Variants in SYNDIG1 observed in about 807,000 individuals in gnomAD.
The protein encoded by SYNDIG1 is synapse differentiation inducing 1.
SYNDIG1 carries 9 observed loss-of-function variants against 19.4 expected under a neutral mutation model. The ratio of observed to expected loss-of-function variants is 0.46; its 90% confidence interval spans 0.28 to 0.81. The LOEUF is 0.81. Ranked by LOEUF, SYNDIG1 falls within the 30% of genes least tolerant of loss-of-function variation. The pLI is 0.12. For synonymous variants in SYNDIG1, 141 were observed against 145.9 expected, an observed-to-expected ratio of 0.97 and a Z score of 0.24; for missense variants, 311 against 343.3, an observed-to-expected ratio of 0.91 and a Z score of 0.74.
Position 24,543,498 on chromosome 20 carries a change from T to C in SYNDIG1, c.401T>C (p.Ile134Thr). The change falls in exon 2 of 4, where the codon ATT (isoleucine) becomes ACT (threonine). Residue 134 changes from isoleucine (I) to threonine (T), a missense_variant. Ile to Thr is a moderately conservative substitution (Grantham distance 89, BLOSUM62 -1). Coordinates refer to ENST00000376862, the MANE Select transcript of SYNDIG1 (RefSeq NM_024893.3). ...DSLEYPDGKF[I>T]DLSADDIKIH... ...CTCGAGTACCCGGATGGGAAGTTCA[T>C]TGACCTCTCAGCTGATGACATAAAA... 1 of 1,612,256 alleles carries C rather than the reference T, an allele frequency of 6.2e-7. No individual in the cohort carries two copies. Among genetic ancestry groups the C allele is most frequent in the East Asian group, 2.2e-5 (1 of 44,880 alleles).
intron 1 of SYNDIG1, among the ~76,000 whole-genome samples, chr20:24,524,073 T>C (rs1339028548): frequency 6.6e-6 from 1 of 152,348 alleles, no homozygotes; most frequent in Admixed American, 6.5e-5. Flanking sequence ...AAAATATTTA[T>C]TGTCATCCTT....
At chr20:24,508,815 G>A (rs1280810141) in intron 1 of SYNDIG1, among the ~76,000 whole-genome samples, 1 of 152,158 alleles carries the variant, frequency 6.6e-6, no homozygotes, top group Non-Finnish European at 1.5e-5. Flanking sequence ...GCAGGCGCAG[G>A]CTGGAGTCAC....
intron 1 of SYNDIG1, among the ~76,000 whole-genome samples, chr20:24,489,966 G>A (rs755644284): frequency 6.6e-6 from 1 of 152,250 alleles, no homozygotes; most frequent in African/African-American, 2.4e-5. Context: ...GTGAGGGTGA[G>A]GGTGCCATCT....
intron 3 of SYNDIG1, among the ~76,000 whole-genome samples, chr20:24,621,290 T>C (rs2059034584): frequency 6.6e-6 from 1 of 152,196 alleles, no homozygotes; most frequent in Non-Finnish European, 1.5e-5. Flanking sequence ...AGCTTATCTA[T>C]TTACTTTTGC....
At chr20:24,587,063 A>G (rs1378483973) in intron 3 of SYNDIG1, among the ~76,000 whole-genome samples, 1 of 152,220 alleles carries the variant, frequency 6.6e-6, no homozygotes, top group South Asian at 2.1e-4. Context: ...TGTTTGATAC[A>G]TTAGATAGTG....
At chr20:24,477,099 C>G (rs943973982) in intron 1 of SYNDIG1, among the ~76,000 whole-genome samples, 3 of 152,212 alleles carry the variant, frequency 2.0e-5, no homozygotes, top group African/African-American at 7.2e-5. Flanking sequence ...TTGCCTATTG[C>G]TAGACCTCGA....
At chr20:24,589,140 A>T (rs1206748560) in intron 3 of SYNDIG1, among the ~76,000 whole-genome samples, 1 of 152,172 alleles carries the variant, frequency 6.6e-6, no homozygotes, top group Admixed American at 6.5e-5. Context: ...TTTGTGAATG[A>T]TACTGAGGAT....
intron 1 of SYNDIG1, among the ~76,000 whole-genome samples, chr20:24,509,945 A>G (rs143039981): frequency 1.6e-3 from 247 of 152,302 alleles, no homozygotes; most frequent in African/African-American, 5.7e-3. Flanking sequence ...TGCTCTCACC[A>G]TAATGAGTGA....
intron 3 of SYNDIG1, among the ~76,000 whole-genome samples, chr20:24,608,908 G>T (rs1329459977): frequency 1.3e-5 from 2 of 152,210 alleles, no homozygotes; most frequent in Non-Finnish European, 2.9e-5. Flanking sequence ...ACTGCTTTGT[G>T]TGGAGGACAG....
chr20:24,545,444 G>A (rs147017095), intron 2 of SYNDIG1, among the ~76,000 whole-genome samples: 6 of 152,110 alleles, frequency 3.9e-5, no homozygotes, highest in East Asian at 1.9e-4. Context: ...AATGCTGCCC[G>A]ACTCGCATGG....
intron 2 of SYNDIG1, among the ~76,000 whole-genome samples, chr20:24,550,643 G>GGACT (rs1334949865): frequency 6.6e-6 from 1 of 151,932 alleles, no homozygotes; most frequent in Non-Finnish European, 1.5e-5. Flanking sequence ...CGAGTAGCTG[G>GGACT]GACTACAGGC....
intron 2 of SYNDIG1, among the ~76,000 whole-genome samples, chr20:24,567,758 G>A (rs1414096878): frequency 2.0e-5 from 3 of 152,232 alleles, no homozygotes; most frequent in Non-Finnish European, 2.9e-5. Flanking sequence ...AGGGAGGCAC[G>A]GAGAGCACAC....
At chr20:24,605,239 A>G (rs1779939348) in intron 3 of SYNDIG1, among the ~76,000 whole-genome samples, 1 of 152,222 alleles carries the variant, frequency 6.6e-6, no homozygotes, top group South Asian at 2.1e-4. Flanking sequence ...AGTGACATGT[A>G]AACGAAGGTT....
intron 1 of SYNDIG1, among the ~76,000 whole-genome samples, chr20:24,491,045 G>A (rs951285504): frequency 2.0e-5 from 3 of 152,170 alleles, no homozygotes; most frequent in African/African-American, 7.2e-5. Flanking sequence ...GGTAAGGGTC[G>A]GCCTTTGAGG....
intron 3 of SYNDIG1, among the ~76,000 whole-genome samples, chr20:24,622,823 T>C (rs2059059723): frequency 6.6e-6 from 1 of 152,130 alleles, no homozygotes; most frequent in Non-Finnish European, 1.5e-5. Flanking sequence ...ATATTAGTCA[T>C]AGACACCAAG....
intron 1 of SYNDIG1, among the ~76,000 whole-genome samples, chr20:24,526,743 T>G (rs183777229): frequency 1.3e-5 from 2 of 152,336 alleles, no homozygotes; most frequent in Admixed American, 6.5e-5. Context: ...AGTTTAAGTC[T>G]CTAAGTAGAT....
intron 3 of SYNDIG1, among the ~76,000 whole-genome samples, chr20:24,609,175 C>T (rs957872763): frequency 6.6e-5 from 10 of 152,288 alleles, no homozygotes; most frequent in Admixed American, 3.9e-4. Flanking sequence ...TGGCAGTTCT[C>T]GGCAATGTCC....
At chr20:24,564,011 A>G (rs1054694611) in intron 2 of SYNDIG1, among the ~76,000 whole-genome samples, 3 of 152,178 alleles carry the variant, frequency 2.0e-5, no homozygotes, top group Non-Finnish European at 1.5e-5. Context: ...TCATTGTCTC[A>G]GTGATGGACT....
chr20:24,473,487 C>G (rs972499252), intron 1 of SYNDIG1, among the ~76,000 whole-genome samples: 2 of 152,146 alleles, frequency 1.3e-5, no homozygotes, highest in African/African-American at 2.4e-5. Flanking sequence ...TTGAATGATT[C>G]CTGAGAGATC....
Sources: gnomAD v4.1 joint callset for allele counts (sites outside exome capture counted in the v4.1 genomes callset) on GRCh38, gnomAD v4.1.1 for gene constraint, MANE v1.5 for transcripts, NCBI Gene and HGNC (gene_info 2026-07-23, HGNC 2026-07-21) for gene names.